The following TULP4 variants were observed in gnomAD, a reference collection of about 807,000 sequenced individuals.
TULP4 encodes the protein tubby-related protein 4.
A neutral mutation model predicts 129.0 loss-of-function variants in TULP4; 16 were observed. The observed-to-expected ratio is 0.12, with a 90% CI of 0.08 to 0.19. TULP4 has a LOEUF of 0.19. Among genes scored for constraint, TULP4 ranks in the 10% least tolerant of loss-of-function variants. TULP4 has a pLI of 1.00. For missense variants in TULP4, 1,842 were observed against 2,059.1 expected (o/e 0.89, Z 2.04); for synonymous variants, 998 against 854.0 (o/e 1.17, Z -2.94).
intron 1 of TULP4, among the ~76,000 whole-genome samples, chr6:158,403,277 G>T (rs1777895494): frequency 6.6e-6 from 1 of 152,122 alleles, no homozygotes; most frequent in Admixed American, 6.5e-5. Flanking sequence ...TTCCCAAGCT[G>T]CAGTCTGTCC....
intron 6 of TULP4, among the ~76,000 whole-genome samples, chr6:158,474,506 A>T (rs903906785): frequency 6.6e-6 from 1 of 152,096 alleles, no homozygotes; most frequent in Non-Finnish European, 1.5e-5. Context: ...AATTAAATAG[A>T]TTTCTCCTCT....
At position 158,429,840 on chromosome 6, in the gene TULP4, C is replaced by G. The variant is rs767708053; in HGVS notation, c.486C>G (p.Ser162=). Residue 162 remains serine, a synonymous_variant, in exon 3 of 14, where the codon TCC becomes TCG. Coordinates refer to ENST00000367097, the MANE Select transcript of TULP4 (RefSeq NM_020245.5). ...GSVSGQRHWS[S]EINLESQITC... is the part of the protein sequence containing the mutation. ...TCAGTGGACAAAGACACTGGTCATC[C>G]GAAATCAACTTGGAAAGTCAAATTA... The G allele has an allele frequency of 1.2e-6, 2 of 1,614,000 alleles. No individual in the cohort carries two copies. Among genetic ancestry groups the G allele is most frequent in the East Asian group, 4.5e-5 (2 of 44,866 alleles).
chr6:158,248,406 A>G (rs1168880222), intron 1 of TULP4, among the ~76,000 whole-genome samples: 1 of 151,706 alleles, frequency 6.6e-6, no homozygotes, highest in Non-Finnish European at 1.5e-5. Flanking sequence ...AGTAGCTGGG[A>G]CTATAGGCAC....
At chr6:158,365,539 C>T (rs572602890) in intron 1 of TULP4, among the ~76,000 whole-genome samples, 53 of 148,388 alleles carry the variant, frequency 3.6e-4, no homozygotes, top group East Asian at 2.2e-3. Context: ...TGCAGTGGTG[C>T]GATCTCAGCT....
chr6:158,236,954 G>T (rs1777723089), intron 1 of TULP4, among the ~76,000 whole-genome samples: 1 of 151,592 alleles, frequency 6.6e-6, no homozygotes, highest in African/African-American at 2.4e-5. Context: ...GGGACTACAG[G>T]TGCGTGCCAC....
intron 9 of TULP4, among the ~76,000 whole-genome samples, chr6:158,491,748 C>T (rs1403482114): frequency 6.6e-6 from 1 of 152,028 alleles, no homozygotes; most frequent in Admixed American, 6.6e-5. Context: ...ACCTCGGCCT[C>T]CCAAGGTGCT....
Position 158,511,124 on chromosome 6 carries a change from AT to A in TULP4, c.*4435del, listed in dbSNP as rs1373514932. 1 of 152,496 alleles carries A rather than the reference AT, an allele frequency of 6.6e-6. No homozygotes were observed. Among genetic ancestry groups the A allele is most frequent in the Non-Finnish European group, 1.5e-5 (1 of 68,024 alleles). 9.4% of individuals were successfully genotyped at this position (152,496 alleles called of 1,614,324 possible). A position where few individuals can be genotyped will look rare whatever the true frequency, so the allele number is the denominator to read the frequency against. On this transcript the variant is annotated 3_prime_UTR_variant, in exon 14 of 14. Transcript: ENST00000367097. ...TTTCCATTTTCTTTGGCTTTGTGCA[AT>A]TTTTGTGTAACTTTACTTGTACCTA...
intron 3 of TULP4, among the ~76,000 whole-genome samples, chr6:158,440,676 A>G (rs1778872604): frequency 6.6e-6 from 1 of 152,206 alleles, no homozygotes; most frequent in Non-Finnish European, 1.5e-5. Context: ...CAGTTAGGAG[A>G]ATGAATTGCT....
intron 1 of TULP4, among the ~76,000 whole-genome samples, chr6:158,331,789 A>ACGTG: frequency 1.6e-5 from 2 of 128,112 alleles, no homozygotes; most frequent in Admixed American, 9.0e-5. Flanking sequence ...ACACACACAC[A>ACGTG]TACCTACATA....
intron 1 of TULP4, among the ~76,000 whole-genome samples, chr6:158,369,315 G>A (rs1329027649): frequency 6.6e-6 from 1 of 152,078 alleles, no homozygotes; most frequent in African/African-American, 2.4e-5. Flanking sequence ...GCAACATAGT[G>A]AGACCCTGTC....
chr6:158,374,283 TC>T (rs1248504747), intron 1 of TULP4, among the ~76,000 whole-genome samples: 2 of 121,480 alleles, frequency 1.6e-5, no homozygotes, highest in African/African-American at 7.6e-5. Context: ...TGAGACCTTG[TC>T]TTTAAAGAAA....
upstream of TULP4, among the ~76,000 whole-genome samples, chr6:158,308,902 C>T (rs1422017293): frequency 1.4e-5 from 2 of 143,638 alleles, no homozygotes; most frequent in Non-Finnish European, 3.1e-5. Context: ...CCCCACCTCC[C>T]TCCCGGACGG....
At chr6:158,458,092 A>G (rs1779335286) in intron 5 of TULP4, among the ~76,000 whole-genome samples, 1 of 152,222 alleles carries the variant, frequency 6.6e-6, no homozygotes, top group African/African-American at 2.4e-5. Flanking sequence ...TCTAAGGGAC[A>G]AAGAACTGGA....
intron 1 of TULP4, among the ~76,000 whole-genome samples, chr6:158,375,920 T>C (rs1777176294): frequency 6.6e-6 from 1 of 152,074 alleles, no homozygotes; most frequent in South Asian, 2.1e-4. Context: ...AGGGAGATCA[T>C]TGTGGCTTGA....
rs567368480 is a variant in TULP4 at position 158,384,329 on chromosome 6, C to T, written c.253-28736C>T. ...TTGAGACAGAGTCTCGCTCTGTGACCCAGGCTGGAGTGCAGTGGCACTATT... is the reference window on the plus strand; with the variant it reads ...TTGAGACAGAGTCTCGCTCTGTGACTCAGGCTGGAGTGCAGTGGCACTATT... On this transcript the variant is annotated intron_variant, in intron 1 of 13. Transcript: ENST00000367097. 4.0e-4 allele frequency among the ~76,000 whole-genome samples: 59 copies of T among 149,034 alleles called. No individual in the cohort carries two copies. The South Asian group carries it at 9.3e-3, about 24-fold the overall frequency.
chr6:158,437,208 A>G (rs1311408895), intron 3 of TULP4, among the ~76,000 whole-genome samples: 1 of 152,236 alleles, frequency 6.6e-6, no homozygotes, highest in African/African-American at 2.4e-5. Context: ...TTAGTGTAAC[A>G]GGATTATTTA....
At chr6:158,433,943 C>G (rs1344559910) in intron 3 of TULP4, among the ~76,000 whole-genome samples, 1 of 138,004 alleles carries the variant, frequency 7.2e-6, no homozygotes, top group African/African-American at 2.5e-5. Context: ...GTATTTCTCA[C>G]AGTTCTTCTG....
chr6:158,235,357 C>G (rs542422258), intron 1 of TULP4, among the ~76,000 whole-genome samples: 1 of 152,212 alleles, frequency 6.6e-6, no homozygotes, highest in South Asian at 2.1e-4. Flanking sequence ...GGAAACCACC[C>G]CTCTATTTTC....
chr6:158,438,798 T>A (rs1267393174), intron 3 of TULP4, among the ~76,000 whole-genome samples: 2 of 152,114 alleles, frequency 1.3e-5, no homozygotes. Flanking sequence ...TTGGCCAGGC[T>A]GGTCTTGAAC....
Sources: allele counts gnomAD v4.1 joint callset (sites outside exome capture counted in the v4.1 genomes callset), GRCh38; gene constraint gnomAD v4.1.1; transcripts MANE v1.5; gene names NCBI Gene and HGNC (gene_info 2026-07-23, HGNC 2026-07-21).